The following DYNC2LI1 variants were observed in gnomAD, a reference collection of about 807,000 sequenced individuals.
DYNC2LI1 encodes cytoplasmic dynein 2 light intermediate chain 1.
In DYNC2LI1, 45 loss-of-function variants were observed where a neutral mutation model predicts 51.9. The ratio of observed to expected loss-of-function variants is 0.87; its 90% CI spans 0.68 to 1.11. The LOEUF (loss-of-function observed/expected upper bound fraction) is 1.11. Ranked by LOEUF, DYNC2LI1 falls within the 50% of genes most tolerant of loss-of-function variation. The pLI, the probability that DYNC2LI1 is intolerant of heterozygous loss-of-function variation, is 0.00. For missense variants in DYNC2LI1, 490 were observed against 417.4 expected (o/e 1.17, Z -1.51); for synonymous variants, 130 against 137.8 (o/e 0.94, Z 0.40).
intron 1 of DYNC2LI1, among the ~76,000 whole-genome samples, chr2:43,774,812 C>T (rs1672938238): frequency 6.6e-6 from 1 of 152,162 alleles, no homozygotes; most frequent in South Asian, 2.1e-4. Context: ...TATGGTTATA[C>T]TTCCCGATTT....
Position 43,774,083 on chromosome 2 carries a change from T to TCTAG in DYNC2LI1, c.-55_-52dup. On this transcript the variant is annotated 5_prime_UTR_variant, in exon 1 of 13. Coordinates refer to ENST00000260605, the MANE Select transcript of DYNC2LI1 (RefSeq NM_016008.4). The stretch of plus-strand genomic sequence containing the variant: ...CTCCTTGCGGAGCTCGCCGCCTGAT[T>TCTAG]CTAGGCTGGTCACTACTCCGAGCCT... The TCTAG allele has an allele frequency of 6.2e-7, 1 of 1,611,088 alleles. No individual in the cohort carries two copies. The highest frequency in any genetic ancestry group is 1.3e-5 in the African/African-American group (1 of 74,950).
intron 6 of DYNC2LI1, 103 bp downstream of exon 6, chr2:43,794,746 T>G (rs773057615): frequency 6.3e-7 from 1 of 1,592,304 alleles, no homozygotes. Flanking sequence ...GACTTGAAAT[T>G]CATTTGATGT....
intron 3 of DYNC2LI1, 40 bp downstream of exon 3, chr2:43,783,594 T>C (rs1403911559): frequency 2.2e-6 from 3 of 1,376,148 alleles, no homozygotes; most frequent in Admixed American, 2.7e-5. Flanking sequence ...TTTATGCTTA[T>C]TCTAGTTGTA....
intron 2 of DYNC2LI1, among the ~76,000 whole-genome samples, chr2:43,779,102 TAAAAC>T (rs1673159472): frequency 6.6e-6 from 1 of 151,834 alleles, no homozygotes. Context: ...CCCAAAAAAA[TAAAAC>T]AATTAGCCGG....
the DYNC2LI1 span, chr2:43,820,133 C>T: frequency 1.3e-6 from 2 of 1,598,576 alleles, no homozygotes; most frequent in Non-Finnish European, 1.7e-6. Context: ...GTTTCCTCTC[C>T]AAGGGCTATC....
chr2:43,789,204 C>T (rs758833013), intron 4 of DYNC2LI1, among the ~76,000 whole-genome samples: 4 of 152,144 alleles, frequency 2.6e-5, no homozygotes, highest in South Asian at 2.1e-4. Context: ...ATTCATTCTG[C>T]GAGCTTCTGT....
intron 1 of DYNC2LI1, 121 bp downstream of exon 1, chr2:43,774,267 A>G (rs759997837): frequency 1.1e-5 from 15 of 1,333,622 alleles, no homozygotes; most frequent in Admixed American, 9.8e-5. Flanking sequence ...CAGGATATGC[A>G]GGGTCGGGGA....
chr2:43,821,126 C>T, the DYNC2LI1 span, among the ~76,000 whole-genome samples: 41 of 152,318 alleles, frequency 2.7e-4, no homozygotes, highest in East Asian at 1.9e-4. Flanking sequence ...GTCTTATACT[C>T]GCCCCTCCTT....
At position 43,801,637 on chromosome 2, in the gene DYNC2LI1, A is replaced by G. The variant is rs979240727; in HGVS notation, c.732-2A>G. ...TTTAGAATCTTTCTCTTCTCCACGT[A>G]GCAAATCAATATGTGTGGATCAGAA... is the stretch of plus-strand genomic sequence containing the variant. On this transcript the variant is annotated splice_acceptor_variant, in intron 9 of 12. Transcript: ENST00000260605. LOFTEE classifies it high-confidence loss of function. 1 of 1,606,262 alleles carries G rather than the reference A, an allele frequency of 6.2e-7. No individual in the cohort carries two copies. The highest frequency in any genetic ancestry group is 1.3e-5 in the African/African-American group (1 of 74,900).
chr2:43,787,684 A>G (rs998495419), intron 4 of DYNC2LI1, among the ~76,000 whole-genome samples: 52 of 151,960 alleles, frequency 3.4e-4, no homozygotes, highest in African/African-American at 1.2e-3. Flanking sequence ...TTATAATCCT[A>G]TTTTCACTTG....
chr2:43,827,400 T>C, the DYNC2LI1 span, among the ~76,000 whole-genome samples: 572 of 151,954 alleles, frequency 3.8e-3, 4 homozygotes, highest in African/African-American at 0.012. Flanking sequence ...CAAGCACCAT[T>C]TGAAGAACAG....
downstream of DYNC2LI1, among the ~76,000 whole-genome samples, chr2:43,814,769 G>A (rs924993859): frequency 6.6e-6 from 1 of 152,024 alleles, no homozygotes; most frequent in Non-Finnish European, 1.5e-5. Flanking sequence ...AAGAAATACC[G>A]TTGCCTAGAA....
intron 12 of DYNC2LI1, among the ~76,000 whole-genome samples, chr2:43,807,547 C>G (rs1234771703): frequency 6.6e-6 from 1 of 151,838 alleles, no homozygotes; most frequent in Non-Finnish European, 1.5e-5. Flanking sequence ...TCAAGGGATC[C>G]TCCCATCTCA....
Position 43,809,963 on chromosome 2 carries a change from C to A in DYNC2LI1, c.*196C>A. 7.8e-7 allele frequency: 1 copy of A among 1,285,284 alleles called. No individual in the cohort carries two copies. Among genetic ancestry groups the A allele is most frequent in the Non-Finnish European group, 9.9e-7 (1 of 1,005,504 alleles). 79.6% of individuals were successfully genotyped at this position (1,285,284 alleles called of 1,614,324 possible). A position where few individuals can be genotyped will look rare whatever the true frequency, so the allele number is the denominator to read the frequency against. ...AAAAGGAAAAATTATTGTAGAACCA[C>A]GTGTAATTTTTTTTAAAATAAAAGA... On this transcript the variant is annotated 3_prime_UTR_variant, in exon 13 of 13. Coordinates refer to ENST00000260605, the MANE Select transcript of DYNC2LI1 (RefSeq NM_016008.4).
chr2:43,794,162 G>T (rs1673922692), intron 5 of DYNC2LI1: 1 of 247,906 alleles, frequency 4.0e-6, no homozygotes. Context: ...TGTAAACGTG[G>T]CATTGTCGAT....
At chr2:43,826,321 G>A in the DYNC2LI1 span, 47 of 1,610,640 alleles carry the variant, frequency 2.9e-5, no homozygotes, top group Non-Finnish European at 3.8e-5. Context: ...TCTTGCCCCT[G>A]CCCCTGTGAT....
intron 2 of DYNC2LI1, among the ~76,000 whole-genome samples, chr2:43,780,689 G>T (rs927843299): frequency 6.6e-6 from 1 of 152,106 alleles, no homozygotes; most frequent in Non-Finnish European, 1.5e-5. Flanking sequence ...GTCATAGAGT[G>T]GAAGGATTTT....
chr2:43,818,014 C>G, the DYNC2LI1 span, among the ~76,000 whole-genome samples: 1 of 152,230 alleles, frequency 6.6e-6, no homozygotes, highest in Non-Finnish European at 1.5e-5. Flanking sequence ...TTAACGTTAA[C>G]CTACAGTTGG....
At chr2:43,812,333 TCGG>T (rs1666523695), downstream of DYNC2LI1, 1 of 137,928 alleles carries the variant, frequency 7.3e-6, no homozygotes. Flanking sequence ...TTTTTTTTTT[TCGG>T]TAGGTTTTTT....
Sources: gnomAD v4.1 joint callset for allele counts (sites outside exome capture counted in the v4.1 genomes callset) on GRCh38, gnomAD v4.1.1 for gene constraint, MANE v1.5 for transcripts, NCBI Gene and HGNC (gene_info 2026-07-23, HGNC 2026-07-21) for gene names.